VAT1L: variants seen among roughly 807,000 people sequenced by gnomAD.
VAT1L encodes the protein vesicle amine transport 1 like, also known as putative NADPH-dependent quinone oxidoreductase VAT1L.
In VAT1L, 34 loss-of-function variants were observed where a neutral mutation model predicts 44.1. The observed-to-expected ratio is 0.77, with a 90% CI of 0.59 to 1.03. The LOEUF is 1.03. Ranked by LOEUF, VAT1L falls within the 50% of genes least tolerant of loss-of-function variation. The pLI is 0.00. For synonymous variants in VAT1L, 253 were observed against 202.2 expected, an observed-to-expected ratio of 1.25 and a Z score of -2.13; for missense variants, 615 against 538.8, an observed-to-expected ratio of 1.14 and a Z score of -1.40.
rs534395965 is a variant in VAT1L at position 77,794,371 on chromosome 16, G to C, written c.233+5456G>C. 2.6e-5 allele frequency among the ~76,000 whole-genome samples: 4 copies of C among 152,254 alleles called. No homozygotes were observed. In the South Asian group the frequency reaches 8.3e-4, roughly 32 times the overall value. On this transcript the variant is annotated intron_variant, in intron 1 of 8. Coordinates refer to ENST00000302536, the MANE Select transcript of VAT1L (RefSeq NM_020927.3). ...GAGATACAGTATGTGGGATGCTTTG[G>C]GGGATCCATCTAGATGGAGTTACTA... is the stretch of plus-strand genomic sequence containing the variant.
At chr16:77,972,079 A>C (rs2018284852) in intron 8 of VAT1L, 146 bp downstream of exon 8, 1 of 691,276 alleles carries the variant, frequency 1.4e-6, no homozygotes, top group Non-Finnish European at 2.4e-6. Context: ...GATGTCATAC[A>C]TGAGGGATTC....
intron 7 of VAT1L, among the ~76,000 whole-genome samples, chr16:77,909,077 C>T (rs1011059035): frequency 6.6e-6 from 1 of 152,044 alleles, no homozygotes; most frequent in Non-Finnish European, 1.5e-5. Flanking sequence ...GGACACTGTC[C>T]TAAACATTTT....
chr16:77,931,696 A>G (rs923793647), intron 7 of VAT1L, among the ~76,000 whole-genome samples: 1 of 152,226 alleles, frequency 6.6e-6, no homozygotes, highest in Non-Finnish European at 1.5e-5. Flanking sequence ...TGAAGTCTGA[A>G]TATGTAGTGA....
At chr16:77,898,481 A>G (rs1041081502) in intron 7 of VAT1L, among the ~76,000 whole-genome samples, 3 of 152,222 alleles carry the variant, frequency 2.0e-5, no homozygotes, top group African/African-American at 7.2e-5. Context: ...CCCCTCCTCC[A>G]GTTATAGCTG....
chr16:77,942,504 A>G (rs1321607226), intron 7 of VAT1L, among the ~76,000 whole-genome samples: 1 of 152,148 alleles, frequency 6.6e-6, no homozygotes, highest in Non-Finnish European at 1.5e-5. Flanking sequence ...ATACACAGTA[A>G]TGGGACTGCT....
intron 1 of VAT1L, among the ~76,000 whole-genome samples, chr16:77,812,570 A>G (rs947883520): frequency 2.6e-5 from 4 of 152,194 alleles, no homozygotes; most frequent in African/African-American, 4.8e-5. Flanking sequence ...GTTCACATCT[A>G]TTTAATGGGA....
chr16:77,906,999 C>T (rs2017444350), intron 7 of VAT1L, among the ~76,000 whole-genome samples: 4 of 152,176 alleles, frequency 2.6e-5, no homozygotes, highest in Admixed American at 2.6e-4. Flanking sequence ...AAGTTGGTTA[C>T]ATCTTGCAGG....
Position 77,979,103 on chromosome 16 carries a change from G to T in VAT1L, c.*1408G>T, listed in dbSNP as rs1289309927. ...GGTGGACCCAACCCTTTCCGCAAGT[G>T]GTAGGAACGAATGCATCTTAGCAAT... On this transcript the variant is annotated 3_prime_UTR_variant, in exon 9 of 9. Transcript: ENST00000302536. 1.3e-5 allele frequency: 2 copies of T among 152,570 alleles called. No individual in the cohort carries two copies. Among genetic ancestry groups the T allele is most frequent in the Non-Finnish European group, 2.9e-5 (2 of 68,026 alleles). 9.5% of individuals were successfully genotyped at this position (152,570 alleles called of 1,614,324 possible).
intron 1 of VAT1L, among the ~76,000 whole-genome samples, chr16:77,804,146 A>G (rs992460835): frequency 1.3e-4 from 20 of 152,198 alleles, no homozygotes; most frequent in South Asian, 4.1e-4. Context: ...TTGAATTTCA[A>G]TTGGATGACA....
chr16:77,922,586 G>C (rs546125726), intron 7 of VAT1L, among the ~76,000 whole-genome samples: 1 of 152,300 alleles, frequency 6.6e-6, no homozygotes, highest in Admixed American at 6.5e-5. Flanking sequence ...GTGCCAGCAA[G>C]GACAGGACTT....
intron 3 of VAT1L, among the ~76,000 whole-genome samples, chr16:77,832,924 T>C (rs1195700849): frequency 6.6e-6 from 1 of 152,146 alleles, no homozygotes; most frequent in Non-Finnish European, 1.5e-5. Flanking sequence ...GATACACTCA[T>C]ACAGTTTTAG....
At chr16:77,809,611 CCTGACTTGCATT>C (rs1223977569) in intron 1 of VAT1L, among the ~76,000 whole-genome samples, 87 of 152,176 alleles carry the variant, frequency 5.7e-4, no homozygotes, top group Non-Finnish European at 1.1e-3. Flanking sequence ...TCATGATGAT[CCTGACTTGCATT>C]ACAAAAAGTG....
chr16:77,888,107 C>G (rs12449148), intron 7 of VAT1L, among the ~76,000 whole-genome samples: 93,962 of 152,118 alleles, frequency 0.62, 31,523 homozygotes, highest in Middle Eastern at 0.79. Flanking sequence ...AGGTCTCAGC[C>G]TCAGTATGAC....
intron 7 of VAT1L, among the ~76,000 whole-genome samples, chr16:77,920,967 TACAC>T (rs925929098): frequency 8.7e-5 from 13 of 150,060 alleles, no homozygotes; most frequent in East Asian, 6.0e-4. Context: ...TGTGCATATA[TACAC>T]ACACACACAT....
intron 7 of VAT1L, among the ~76,000 whole-genome samples, chr16:77,925,385 C>A (rs898015658): frequency 1.3e-5 from 2 of 152,146 alleles, no homozygotes; most frequent in Admixed American, 6.5e-5. Context: ...ACTAATTTCA[C>A]CTCGATCAAG....
At chr16:77,943,588 G>A (rs947179128) in intron 7 of VAT1L, among the ~76,000 whole-genome samples, 5 of 151,912 alleles carry the variant, frequency 3.3e-5, no homozygotes, top group Admixed American at 6.6e-5. Flanking sequence ...ATTTTTAGTA[G>A]AGATGGGGTT....
intron 3 of VAT1L, among the ~76,000 whole-genome samples, chr16:77,833,373 C>T (rs1057278123): frequency 6.6e-6 from 1 of 152,174 alleles, no homozygotes; most frequent in Non-Finnish European, 1.5e-5. Flanking sequence ...TCAGGGAAGG[C>T]ATCCCCAAGG....
intron 7 of VAT1L, among the ~76,000 whole-genome samples, chr16:77,914,501 G>A (rs1225849631): frequency 5.3e-5 from 8 of 152,194 alleles, no homozygotes; most frequent in Non-Finnish European, 1.2e-4. Flanking sequence ...TTGGTTTATT[G>A]TGTAGATGAA....
At position 77,880,389 on chromosome 16, in the gene VAT1L, G is replaced by C. The variant is rs1422120177; in HGVS notation, c.882+1165G>C. On this transcript the variant is annotated intron_variant, in intron 6 of 8. Coordinates refer to ENST00000302536, the MANE Select transcript of VAT1L (RefSeq NM_020927.3). ...TACCCAGGCTGGTTTTGAATTCCCG[G>C]GCTCAAGCAATCCGCTTGCCTCAGC... 2.6e-5 allele frequency among the ~76,000 whole-genome samples: 4 copies of C among 151,716 alleles called. No homozygotes were observed. In the South Asian group the frequency reaches 8.3e-4, roughly 32 times the overall value.
Sources: allele counts gnomAD v4.1 joint callset (sites outside exome capture counted in the v4.1 genomes callset), GRCh38; gene constraint gnomAD v4.1.1; transcripts MANE v1.5; gene names NCBI Gene and HGNC (gene_info 2026-07-23, HGNC 2026-07-21).